The following GABRB1 variants were observed in gnomAD, a reference collection of about 807,000 sequenced individuals.
GABRB1 encodes the protein gamma-aminobutyric acid receptor subunit beta-1.
GABRB1 carries 17 observed loss-of-function variants against 51.6 expected under a neutral mutation model. The observed-to-expected ratio is 0.33, with a 90% CI of 0.23 to 0.49. GABRB1 has a LOEUF of 0.49. Ranked by LOEUF, GABRB1 falls within the 20% of genes least tolerant of loss-of-function variation. The pLI is 0.99. For missense variants in GABRB1, 410 were observed against 600.6 expected (o/e 0.68, Z 3.32); for synonymous variants, 247 against 218.9 (o/e 1.13, Z -1.14).
At chr4:47,354,267 A>G (rs1420828846) in intron 5 of GABRB1, among the ~76,000 whole-genome samples, 1 of 152,164 alleles carries the variant, frequency 6.6e-6, no homozygotes, top group Non-Finnish European at 1.5e-5. Context: ...AATGTGTAAT[A>G]GATCACAATT....
chr4:47,085,575 TA>T (rs899314829), intron 3 of GABRB1, among the ~76,000 whole-genome samples: 31 of 150,136 alleles, frequency 2.1e-4, no homozygotes, highest in African/African-American at 3.2e-4. Flanking sequence ...CAGCAAGTTC[TA>T]AAAAAAAAAT....
intron 4 of GABRB1, among the ~76,000 whole-genome samples, chr4:47,225,659 T>C (rs1282837009): frequency 6.6e-6 from 1 of 152,118 alleles, no homozygotes; most frequent in Non-Finnish European, 1.5e-5. Context: ...TAAAACACAG[T>C]ATAAGTGAAG....
chr4:47,409,695 C>T (rs527324025), intron 8 of GABRB1, among the ~76,000 whole-genome samples: 3 of 152,310 alleles, frequency 2.0e-5, no homozygotes, highest in South Asian at 2.1e-4. Context: ...GGGCCTTTGC[C>T]GGGGAACTAC....
chr4:47,280,817 T>C (rs1265155450), intron 4 of GABRB1, among the ~76,000 whole-genome samples: 2 of 147,296 alleles, frequency 1.4e-5, no homozygotes, highest in African/African-American at 5.0e-5. Context: ...CTGGCTAATT[T>C]TTTTTTTTTT....
intron 3 of GABRB1, among the ~76,000 whole-genome samples, chr4:47,114,291 G>A (rs1013870427): frequency 2.0e-5 from 3 of 152,298 alleles, no homozygotes; most frequent in East Asian, 1.9e-4. Flanking sequence ...CAGGGTTTGA[G>A]AACTGATTGG....
rs1245778793 is a variant in GABRB1, at chr4:47,362,634, T to C, written c.545-40684T>C. Reference sequence around the variant, plus strand: ...GGCACATAGAAGCCCAATTCATGTATGCACTCAGAGGACAGACTAGGGTGC... The same window carrying C: ...GGCACATAGAAGCCCAATTCATGTACGCACTCAGAGGACAGACTAGGGTGC... On this transcript the variant is annotated intron_variant, in intron 5 of 8. Transcript: ENST00000295454. Among the ~76,000 whole-genome samples, 5 of 152,294 alleles carry C rather than the reference T, an allele frequency of 3.3e-5. No homozygotes were observed. The South Asian group carries it at 8.3e-4, about 25-fold the overall frequency.
chr4:47,408,486 G>A (rs17600651), intron 8 of GABRB1, among the ~76,000 whole-genome samples: 11,082 of 152,148 alleles, frequency 0.073, 441 homozygotes, highest in South Asian at 0.14. Flanking sequence ...GAAAACTTAG[G>A]GATTCAGCCA....
At chr4:47,218,892 C>A (rs1417531646) in intron 4 of GABRB1, among the ~76,000 whole-genome samples, 1 of 151,828 alleles carries the variant, frequency 6.6e-6, no homozygotes, top group Non-Finnish European at 1.5e-5. Context: ...GTTTCTACAT[C>A]TAAGAATACA....
intron 3 of GABRB1, among the ~76,000 whole-genome samples, chr4:47,134,387 TAGAGA>T (rs1284280741): frequency 1.3e-5 from 2 of 152,246 alleles, no homozygotes; most frequent in East Asian, 3.9e-4. Context: ...ACTAGCTTAT[TAGAGA>T]AAACACAAGA....
At chr4:47,299,224 A>C (rs1309041696) in intron 4 of GABRB1, among the ~76,000 whole-genome samples, 2 of 152,148 alleles carry the variant, frequency 1.3e-5, no homozygotes, top group African/African-American at 4.8e-5. Flanking sequence ...GCAGCAAAAG[A>C]CAAAATTGAC....
intron 1 of GABRB1, among the ~76,000 whole-genome samples, chr4:47,014,751 C>T (rs929416839): frequency 1.3e-5 from 2 of 151,902 alleles, no homozygotes; most frequent in African/African-American, 4.8e-5. Flanking sequence ...GAGTTAAAAC[C>T]ACAGGTTTAA....
chr4:47,030,552 T>A (rs1307017483), upstream of GABRB1, among the ~76,000 whole-genome samples: 1 of 152,214 alleles, frequency 6.6e-6, no homozygotes, highest in Non-Finnish European at 1.5e-5. Flanking sequence ...GAATCAGTTA[T>A]AAGTCCCAGA....
intron 4 of GABRB1, among the ~76,000 whole-genome samples, chr4:47,246,274 C>A: frequency 1.0e-5 from 1 of 96,616 alleles, no homozygotes; most frequent in Admixed American, 1.2e-4. Context: ...AGTAGTATTC[C>A]ATCATATATA....
chr4:47,112,068 C>T (rs1415208481), intron 3 of GABRB1, among the ~76,000 whole-genome samples: 2 of 151,180 alleles, frequency 1.3e-5, no homozygotes, highest in African/African-American at 4.9e-5. Context: ...CTCCCGGGTT[C>T]AAGCGATTCT....
At chr4:47,030,586 A>G (rs932344640), upstream of GABRB1, among the ~76,000 whole-genome samples, 3 of 152,200 alleles carry the variant, frequency 2.0e-5, no homozygotes, top group African/African-American at 7.2e-5. Context: ...AATTTAATAT[A>G]TACTATTTAA....
At chr4:47,007,113 C>A (rs544932201) in intron 1 of GABRB1, among the ~76,000 whole-genome samples, 1 of 149,722 alleles carries the variant, frequency 6.7e-6, no homozygotes. Context: ...GCACTCCAGT[C>A]TGAGTGACAG....
At chr4:47,285,061 G>A (rs193015824) in intron 4 of GABRB1, among the ~76,000 whole-genome samples, 4 of 152,300 alleles carry the variant, frequency 2.6e-5, no homozygotes, top group Admixed American at 2.0e-4. Flanking sequence ...TACAATGAGA[G>A]TATTTGCAGA....
At chr4:47,200,423 T>C (rs1333924151) in intron 4 of GABRB1, among the ~76,000 whole-genome samples, 1 of 152,120 alleles carries the variant, frequency 6.6e-6, no homozygotes, top group Non-Finnish European at 1.5e-5. Flanking sequence ...AAAGAAGAGT[T>C]TGGAGTCTGA....
chr4:47,168,775 A>G (rs10021932), intron 4 of GABRB1, among the ~76,000 whole-genome samples: 104,833 of 152,018 alleles, frequency 0.69, 36,926 homozygotes, highest in Middle Eastern at 0.86. Flanking sequence ...TAACTTAAAC[A>G]GTAGAAATTT....
Sources: allele counts gnomAD v4.1 joint callset (sites outside exome capture counted in the v4.1 genomes callset), GRCh38; gene constraint gnomAD v4.1.1; transcripts MANE v1.5; gene names NCBI Gene and HGNC (gene_info 2026-07-23, HGNC 2026-07-21).